Variants in ERCC1 observed in about 807,000 individuals in gnomAD.
ERCC1 encodes ERCC excision repair 1, endonuclease non-catalytic subunit.
Under a neutral mutation model 37.6 loss-of-function variants are expected in ERCC1, and 36 were observed. The ratio of observed to expected loss-of-function variants is 0.96; its 90% CI spans 0.73 to 1.26. ERCC1 has a LOEUF of 1.26. Ranked by LOEUF, ERCC1 falls within the 50% of genes most tolerant of loss-of-function variation. The pLI is 0.00. For missense variants in ERCC1, 349 were observed against 376.5 expected, an observed-to-expected ratio of 0.93 and a Z score of 0.60; for synonymous variants, 156 against 162.1, an observed-to-expected ratio of 0.96 and a Z score of 0.28.
intron 9 of ERCC1, among the ~76,000 whole-genome samples, chr19:45,413,089 T>C (rs562647144): frequency 3.9e-5 from 6 of 152,256 alleles, no homozygotes; most frequent in African/African-American, 1.4e-4. Flanking sequence ...TTTGCTTTAG[T>C]TTCCTATGCT....
chr19:45,423,150 C>T (rs1974542027), intron 2 of ERCC1, 120 bp downstream of exon 2: 1 of 948,890 alleles, frequency 1.1e-6, no homozygotes, highest in African/African-American at 1.6e-5. Context: ...GGACTGTTTC[C>T]CCAAGTCGTC....
At chr19:45,434,155 C>CAAA (rs138387403) in intron 1 of ERCC1, among the ~76,000 whole-genome samples, 14 of 97,356 alleles carry the variant, frequency 1.4e-4, no homozygotes, top group African/African-American at 1.8e-4. Flanking sequence ...CACACACACA[C>CAAA]AAAAAAAAAA....
rs1973448463 is a variant in ERCC1 at position 45,408,039 on chromosome 19, G to A, written c.*1636C>T. The A allele has an allele frequency of 3.5e-6, 5 of 1,433,462 alleles. No individual in the cohort carries two copies. The highest frequency in any genetic ancestry group is 4.6e-6 in the Non-Finnish European group (5 of 1,077,706). 88.8% of individuals were successfully genotyped at this position (1,433,462 alleles called of 1,614,324 possible). A position where few individuals can be genotyped will look rare whatever the true frequency, so the allele number is the denominator to read the frequency against. On this transcript the variant is annotated 3_prime_UTR_variant, in exon 10 of 10. Coordinates refer to ENST00000300853, the MANE Select transcript of ERCC1 (RefSeq NM_001983.4). ...ACTGCACTCCAGCCTAGGCAACAGA[G>A]CAAGACTCTCTCAAAAAAAAACAAA... is the stretch of plus-strand genomic sequence containing the variant.
chr19:45,413,440 G>A (rs1973858707), intron 9 of ERCC1: 2 of 765,804 alleles, frequency 2.6e-6, no homozygotes, highest in African/African-American at 3.5e-5. Flanking sequence ...ACCATGCCCA[G>A]CTAGTTTTTT....
chr19:45,434,047 G>A (rs1015071610), intron 1 of ERCC1, among the ~76,000 whole-genome samples: 1 of 151,356 alleles, frequency 6.6e-6, no homozygotes, highest in Admixed American at 6.6e-5. Flanking sequence ...AGGAGGCTGA[G>A]GCAGGAGAAT....
chr19:45,414,495 T>G (rs1483954346), intron 7 of ERCC1: 5 of 336,560 alleles, frequency 1.5e-5, no homozygotes, highest in South Asian at 2.7e-5. Context: ...AAAAAAGGAA[T>G]TAGGCAGGTA....
Position 45,451,461 on chromosome 19 carries a change from T to C in ERCC1, c.-8+27275A>G, listed in dbSNP as rs80199121. 3.1e-3 allele frequency among the ~76,000 whole-genome samples: 470 copies of C among 152,262 alleles called. 5 individuals carry two copies. Among genetic ancestry groups the C allele is most frequent in the African/African-American group, 0.011 (448 of 41,560 alleles). On this transcript the variant is annotated intron_variant, in intron 1 of 8. Coordinates refer to the ERCC1 transcript ENST00000423698. ...CCCTCCCGTTCCTTTCCCCGCTCCC[T>C]TGGGGTTCTCTTGCCTGTCTTTCTC... is the stretch of plus-strand genomic sequence containing the variant.
intron 1 of ERCC1, among the ~76,000 whole-genome samples, chr19:45,447,832 A>G (rs1241049988): frequency 6.6e-6 from 1 of 151,374 alleles, no homozygotes; most frequent in Non-Finnish European, 1.5e-5. Flanking sequence ...TCACCTGGGG[A>G]GTAACTCACA....
chr19:45,431,056 G>A (rs953805934), intron 1 of ERCC1, among the ~76,000 whole-genome samples: 7 of 152,054 alleles, frequency 4.6e-5, no homozygotes, highest in Non-Finnish European at 1.0e-4. Context: ...GTGTTCAAGC[G>A]ATTCTCCCGC....
rs1046282 is a variant in ERCC1, at chr19:45,407,414, A to G, written c.*2261T>C. On this transcript the variant is annotated 3_prime_UTR_variant, in exon 10 of 10. Coordinates refer to ENST00000300853, the MANE Select transcript of ERCC1 (RefSeq NM_001983.4). The stretch of plus-strand genomic sequence containing the variant: ...TCAGAAAGCAGGGGGAGAAACCCAC[A>G]GCCCTTTGTTAGTATTTCTACTTAT... The G allele has an allele frequency of 0.27, 156,371 of 582,008 alleles. 22,094 individuals carry two copies. The highest frequency in any genetic ancestry group is 0.38 in the African/African-American group (19,383 of 51,438). The allele number at this position is 582,008 out of a possible 1,614,324, so 36.1% of individuals were successfully genotyped here. A position where few individuals can be genotyped will look rare whatever the true frequency, so the allele number is the denominator to read the frequency against.
chr19:45,440,327 C>T (rs1374929518), intron 1 of ERCC1, among the ~76,000 whole-genome samples: 1 of 152,080 alleles, frequency 6.6e-6, no homozygotes, highest in African/African-American at 2.4e-5. Context: ...CCACCCTCAT[C>T]GCCAATCTCC....
intron 7 of ERCC1, 198 bp from the exon 8 acceptor site, chr19:45,414,232 T>C (rs749237733): frequency 3.2e-6 from 2 of 623,968 alleles, no homozygotes; most frequent in Non-Finnish European, 5.8e-6. Flanking sequence ...ATCCCAGCAC[T>C]TTCGAGGCCG....
intron 1 of ERCC1, among the ~76,000 whole-genome samples, chr19:45,434,749 C>A (rs371314614): frequency 2.0e-5 from 3 of 151,266 alleles, no homozygotes; most frequent in African/African-American, 7.3e-5. Flanking sequence ...CCACACCCGG[C>A]CTTTTTTAAA....
At chr19:45,433,482 C>T (rs558941787) in intron 1 of ERCC1, among the ~76,000 whole-genome samples, 7 of 151,650 alleles carry the variant, frequency 4.6e-5, no homozygotes, top group South Asian at 2.1e-4. Flanking sequence ...GCCGAGATTG[C>T]GCCATTGTAC....
At position 45,413,692 on chromosome 19, in the gene ERCC1, G is replaced by T. The variant is rs569337851; in HGVS notation, c.828C>A (p.Gly276=). 2.9e-5 allele frequency: 47 copies of T among 1,614,164 alleles called. No individual in the cohort carries two copies. In the East Asian group the frequency reaches 7.8e-4, roughly 27 times the overall value. Residue 276 remains glycine (G), a synonymous_variant, in exon 9 of 10, where the codon GGC becomes GGA. Transcript: ENST00000300853. ...GAGCTCTTACTTTCTGAGGGCCCAG[G>T]CCTGGGCATAAGGCCAGATCTTCTC... is the stretch of plus-strand genomic sequence containing the variant. ...ASREDLALCP[G]LGPQKARRLF... is the part of the protein sequence containing the mutation.
chr19:45,430,317 C>A (rs930796602), intron 1 of ERCC1, among the ~76,000 whole-genome samples: 1 of 152,202 alleles, frequency 6.6e-6, no homozygotes, highest in African/African-American at 2.4e-5. Context: ...TGATTCTGAG[C>A]CTTATCTCCT....
chr19:45,415,259 C>T lies in ERCC1; in HGVS notation c.603-299G>A, dbSNP rs143123530. ...CTGAGGCAGGAGAATCGCCTGAACC[C>T]GGGAGGCGGAGGTTGCAGTGAGCCA... is the stretch of plus-strand genomic sequence containing the variant. On this transcript the variant is annotated intron_variant, in intron 6 of 9. Coordinates refer to ENST00000300853, the MANE Select transcript of ERCC1 (RefSeq NM_001983.4). 0.011 allele frequency among the ~76,000 whole-genome samples: 1,612 copies of T among 146,006 alleles called. 17 individuals carry two copies. Among genetic ancestry groups the T allele is most frequent in the Middle Eastern group, 0.043 (12 of 282 alleles).
chr19:45,416,843 A>AAT lies in ERCC1; in HGVS notation c.579_580insAT (p.Cys194IlefsTer4). On this transcript the variant is annotated frameshift_variant, in exon 6 of 10. Transcript: ENST00000300853. LOFTEE classifies it high-confidence loss of function. ...CACCTCCAGGCGAGGATCAATGTGCAGTCGGCCAGGATACACATCTTAGCC... is the reference window on the plus strand; with the variant it reads ...CACCTCCAGGCGAGGATCAATGTGCAATGTCGGCCAGGATACACATCTTAGCC... The AAT allele has an allele frequency of 6.2e-7, 1 of 1,613,828 alleles. No homozygotes were observed. Among genetic ancestry groups the AAT allele is most frequent in the East Asian group, 2.2e-5 (1 of 44,866 alleles).
chr19:45,439,942 C>T (rs2123600074), intron 1 of ERCC1, among the ~76,000 whole-genome samples: 1 of 152,278 alleles, frequency 6.6e-6, no homozygotes, highest in Admixed American at 6.5e-5. Flanking sequence ...AAAATAGTTG[C>T]CGCGCTCCGA....
Sources: allele counts gnomAD v4.1 joint callset (sites outside exome capture counted in the v4.1 genomes callset), GRCh38; gene constraint gnomAD v4.1.1; transcripts MANE v1.5; gene names NCBI Gene and HGNC (gene_info 2026-07-23, HGNC 2026-07-21).